Variants in PIK3CA observed in about 807,000 individuals in gnomAD.
The protein encoded by PIK3CA is phosphatidylinositol 4,5-bisphosphate 3-kinase catalytic subunit alpha isoform.
A neutral mutation model predicts 138.2 loss-of-function variants in PIK3CA; 27 were observed. The ratio of observed to expected loss-of-function variants is 0.20; its 90% confidence interval spans 0.14 to 0.27. The LOEUF is 0.27. PIK3CA is among the 10% of genes least tolerant of loss of function. The pLI is 1.00. For synonymous variants in PIK3CA, 358 were observed against 413.2 expected (o/e 0.87, Z 1.62); for missense variants, 544 against 1,277.4 (o/e 0.43, Z 8.75).
At chr3:179,169,723 C>T (rs1039379844) in intron 1 of PIK3CA, among the ~76,000 whole-genome samples, 1 of 152,178 alleles carries the variant, frequency 6.6e-6, no homozygotes, top group South Asian at 2.1e-4. Flanking sequence ...CCTACTTAGG[C>T]TAGCCCCTTC....
chr3:179,232,866 T>A (rs1342288640), intron 20 of PIK3CA, among the ~76,000 whole-genome samples: 3 of 152,040 alleles, frequency 2.0e-5, no homozygotes, highest in Non-Finnish European at 4.4e-5. Context: ...TCTTTTTTTT[T>A]ATCTTTTTTA....
At chr3:179,188,171 A>C (rs1448613429) in intron 1 of PIK3CA, among the ~76,000 whole-genome samples, 1 of 152,196 alleles carries the variant, frequency 6.6e-6, no homozygotes, top group Non-Finnish European at 1.5e-5. Context: ...TCTCTTTGCT[A>C]CTATATGTTA....
At chr3:179,205,657 A>AC (rs528870753) in intron 6 of PIK3CA, among the ~76,000 whole-genome samples, 27 of 152,246 alleles carry the variant, frequency 1.8e-4, no homozygotes, top group Non-Finnish European at 4.0e-4. Context: ...TTAAATTATT[A>AC]CTGCCTGGAT....
rs569802188 is a variant in PIK3CA at position 179,175,239 on chromosome 3, C to T, written c.-76-23511C>T. ...TTTACATACCTGAATATGTGTTATT[C>T]TACTCCTACAATTATGTGATATTTT... On this transcript the variant is annotated intron_variant, in intron 1 of 20. Coordinates refer to ENST00000263967, the MANE Select transcript of PIK3CA (RefSeq NM_006218.4). 5.9e-5 allele frequency among the ~76,000 whole-genome samples: 9 copies of T among 152,282 alleles called. No homozygotes were observed. The South Asian group carries it at 1.9e-3, about 32-fold the overall frequency.
intron 1 of PIK3CA, among the ~76,000 whole-genome samples, chr3:179,178,924 C>T (rs1175755105): frequency 6.6e-6 from 1 of 152,198 alleles, no homozygotes; most frequent in Non-Finnish European, 1.5e-5. Context: ...TTACCGGGGT[C>T]TGATCATACC....
intron 1 of PIK3CA, among the ~76,000 whole-genome samples, chr3:179,196,869 C>T (rs531815167): frequency 6.6e-4 from 100 of 152,130 alleles, no homozygotes; most frequent in Non-Finnish European, 1.2e-3. Flanking sequence ...TATTGATGGC[C>T]GGCCCAAGGT....
chr3:179,199,020 A>G lies in PIK3CA; in HGVS notation c.195A>G (p.Glu65=), dbSNP rs1724339117. The G allele has an allele frequency of 5.0e-6, 8 of 1,613,462 alleles. No individual in the cohort carries two copies. Among genetic ancestry groups the G allele is most frequent in the Non-Finnish European group, 6.8e-6 (8 of 1,179,740 alleles). Residue 65 remains glutamate, a synonymous_variant, in exon 2 of 21, where the codon GAA becomes GAG. Transcript: ENST00000263967. ...KYPLHQLLQD[E]SSYIFVSVTQ... Reference sequence around the variant, plus strand: ...CCCTCCATCAACTTCTTCAAGATGAATCTTCTTACATTTTCGTAAGTGTTA... The same window carrying G: ...CCCTCCATCAACTTCTTCAAGATGAGTCTTCTTACATTTTCGTAAGTGTTA...
chr3:179,239,183 A>T lies in PIK3CA; in HGVS notation c.*4819A>T, dbSNP rs1215307346. On this transcript the variant is annotated 3_prime_UTR_variant, in exon 21 of 21. Coordinates refer to ENST00000263967, the MANE Select transcript of PIK3CA (RefSeq NM_006218.4). Reference sequence around the variant, plus strand: ...GTATACTCCATTCCTCATGTAGGTAAGTACAGAAAAGGTTTTTAAATGTAT... The same window carrying T: ...GTATACTCCATTCCTCATGTAGGTATGTACAGAAAAGGTTTTTAAATGTAT... The T allele has an allele frequency of 4.8e-6, 1 of 207,950 alleles. No individual in the cohort carries two copies. The highest frequency in any genetic ancestry group is 9.8e-6 in the Non-Finnish European group (1 of 102,008). 12.9% of individuals were successfully genotyped at this position (207,950 alleles called of 1,614,324 possible).
intron 14 of PIK3CA, among the ~76,000 whole-genome samples, chr3:179,223,614 C>G (rs908927470): frequency 6.6e-6 from 1 of 152,244 alleles, no homozygotes; most frequent in Middle Eastern, 3.4e-3. Flanking sequence ...AGTTTTTCCT[C>G]TAGAACACAG....
At chr3:179,225,430 T>C (rs1307079249) in intron 16 of PIK3CA, among the ~76,000 whole-genome samples, 1 of 152,142 alleles carries the variant, frequency 6.6e-6, no homozygotes, top group Non-Finnish European at 1.5e-5. Context: ...GGGTTTTCAA[T>C]AGGAAATGAC....
intron 1 of PIK3CA, among the ~76,000 whole-genome samples, chr3:179,195,701 G>A (rs866127636): frequency 6.6e-6 from 1 of 151,932 alleles, no homozygotes; most frequent in African/African-American, 2.4e-5. Flanking sequence ...ATCTAGACCT[G>A]GATTCAAAAT....
At chr3:179,186,573 GT>G (rs1474652810) in intron 1 of PIK3CA, among the ~76,000 whole-genome samples, 1 of 152,184 alleles carries the variant, frequency 6.6e-6, no homozygotes, top group African/African-American at 2.4e-5. Context: ...CATCTTTGAA[GT>G]TCCAAGTCAC....
At chr3:179,191,673 G>T (rs1724139399) in intron 1 of PIK3CA, among the ~76,000 whole-genome samples, 1 of 152,276 alleles carries the variant, frequency 6.6e-6, no homozygotes, top group South Asian at 2.1e-4. Context: ...TTTCGCTCTT[G>T]TTGCCCAGGC....
chr3:179,173,684 A>G (rs1486217159), intron 1 of PIK3CA, among the ~76,000 whole-genome samples: 3 of 152,180 alleles, frequency 2.0e-5, no homozygotes. Context: ...TGGTGTATTG[A>G]CAACAAAGGA....
chr3:179,210,468 G>A lies in PIK3CA; in HGVS notation c.1442G>A (p.Ser481Asn), dbSNP rs1369948803. 1.2e-6 allele frequency: 2 copies of A among 1,613,990 alleles called. No individual in the cohort carries two copies. Among genetic ancestry groups the A allele is most frequent in the South Asian group, 2.2e-5 (2 of 91,058 alleles). The change falls in exon 9 of 21, where the codon AGC becomes AAC. Residue 481 changes from serine (S) to asparagine (N), a missense_variant. Transcript: ENST00000263967. ...PCLELEFDWF[S>N]SVVKFPDMSV... The stretch of plus-strand genomic sequence containing the variant: ...TTAGAGTTGGAGTTTGACTGGTTCA[G>A]CAGTGTGGTAAAGTTCCCAGATATG...
At position 179,237,532 on chromosome 3, in the gene PIK3CA, A is replaced by G. The variant is rs1186340142; in HGVS notation, c.*3168A>G. On this transcript the variant is annotated 3_prime_UTR_variant, in exon 21 of 21. Transcript: ENST00000263967. ...GTAGTTCTTATTAATCAGGAAAATG[A>G]TGACTTGATTAGACTGTATATGCCC... The G allele has an allele frequency of 4.9e-6, 1 of 205,702 alleles. No individual in the cohort carries two copies. Among genetic ancestry groups the G allele is most frequent in the Non-Finnish European group, 9.9e-6 (1 of 100,634 alleles). 12.7% of individuals were successfully genotyped at this position (205,702 alleles called of 1,614,324 possible).
intron 1 of PIK3CA, among the ~76,000 whole-genome samples, chr3:179,171,054 A>T (rs185332418): frequency 2.6e-5 from 4 of 152,308 alleles, no homozygotes; most frequent in Admixed American, 2.6e-4. Flanking sequence ...CAAAAATGAA[A>T]TGTTTTAATA....
chr3:179,191,224 T>C (rs1185455689), intron 1 of PIK3CA, among the ~76,000 whole-genome samples: 1 of 152,210 alleles, frequency 6.6e-6, no homozygotes, highest in East Asian at 1.9e-4. Flanking sequence ...AAAGAACTCA[T>C]CATGTCAAAG....
intron 3 of PIK3CA, 40 bp from the exon 4 acceptor site, chr3:179,201,250 A>G: frequency 6.5e-7 from 1 of 1,546,488 alleles, no homozygotes; most frequent in South Asian, 1.2e-5. Flanking sequence ...TGAAAAATGA[A>G]AGAGAGATGG....
Sources: gnomAD v4.1 joint callset for allele counts (sites outside exome capture counted in the v4.1 genomes callset) on GRCh38, gnomAD v4.1.1 for gene constraint, MANE v1.5 for transcripts, NCBI Gene and HGNC (gene_info 2026-07-23, HGNC 2026-07-21) for gene names.